RANBP2: variants seen among roughly 807,000 people sequenced by gnomAD.
RANBP2 encodes the protein RAN binding protein 2.
A neutral mutation model predicts 303.6 loss-of-function variants in RANBP2; 57 were observed. The observed-to-expected ratio is 0.19, with a 90% CI of 0.15 to 0.23. The LOEUF is 0.23. Ranked by LOEUF, RANBP2 falls within the 10% of genes least tolerant of loss-of-function variation. The pLI is 1.00. For synonymous variants in RANBP2, 1,167 were observed against 1,301.5 expected, an observed-to-expected ratio of 0.90 and a Z score of 2.23; for missense variants, 3,138 against 3,780.8, an observed-to-expected ratio of 0.83 and a Z score of 4.46.
At chr2:108,851,298 G>A in the RANBP2 span, among the ~76,000 whole-genome samples, 4 of 151,934 alleles carry the variant, frequency 2.6e-5, no homozygotes, top group African/African-American at 4.8e-5. Flanking sequence ...TTTGTTTTTT[G>A]TTGTTTGTTT....
rs1678527287 is a variant in RANBP2 at position 108,785,181 on chromosome 2, C to T, written c.*1280C>T. On this transcript the variant is annotated 3_prime_UTR_variant, in exon 29 of 29. Coordinates refer to ENST00000283195, the MANE Select transcript of RANBP2 (RefSeq NM_006267.5). ...GATTTGGAAATTGGGTATCCTAAAG[C>T]AAGTAACTGTTCAACCACCAGTCAA... 1 of 152,088 alleles carries T rather than the reference C, an allele frequency of 6.6e-6. No individual in the cohort carries two copies. Among genetic ancestry groups the T allele is most frequent in the Admixed American group, 6.5e-5 (1 of 15,274 alleles). 9.4% of individuals were successfully genotyped at this position (152,088 alleles called of 1,614,324 possible).
At chr2:109,046,026 C>T in the RANBP2 span, among the ~76,000 whole-genome samples, 2 of 152,022 alleles carry the variant, frequency 1.3e-5, no homozygotes, top group African/African-American at 2.4e-5. Context: ...AATCCAAGGC[C>T]GGGCATGGTG....
At chr2:109,193,855 G>C in the RANBP2 span, among the ~76,000 whole-genome samples, 1 of 152,192 alleles carries the variant, frequency 6.6e-6, no homozygotes, top group African/African-American at 2.4e-5. Context: ...TCTAGCCCCG[G>C]GGATGGGTTT....
At chr2:109,501,497 C>G in the RANBP2 span, 34 of 775,762 alleles carry the variant, frequency 4.4e-5, no homozygotes, top group Non-Finnish European at 6.5e-5. Flanking sequence ...TGTGCTGTTT[C>G]CCCAGGTACC....
chr2:109,302,495 G>A, the RANBP2 span, among the ~76,000 whole-genome samples: 2 of 152,252 alleles, frequency 1.3e-5, no homozygotes, highest in African/African-American at 4.8e-5. Flanking sequence ...CCATAGGGGA[G>A]GGCTCTGCCT....
the RANBP2 span, among the ~76,000 whole-genome samples, chr2:109,095,986 G>T: frequency 6.6e-6 from 1 of 152,124 alleles, no homozygotes; most frequent in South Asian, 2.1e-4. Flanking sequence ...CCCTCATTGG[G>T]TCTTGTTGTT....
In RANBP2 at chr2:108,782,381, G is replaced by T; in HGVS notation, c.9014G>T (p.Trp3005Leu). The change falls in exon 27 of 29, where the codon TGG becomes TTG. Residue 3005 changes from tryptophan (W) to leucine (L), a missense_variant. Physicochemically the swap from Trp to Leu is moderately conservative, Grantham distance 61 (BLOSUM62 -2). Transcript: ENST00000283195. The part of the protein sequence containing the change: ...PLNVSNNALV[W>L]TASDYADGEA... ...AATGTTTCAAATAATGCTTTAGTTTGGACTGCCTCAGATTATGCTGGTGAG... is the reference window on the plus strand; with the variant it reads ...AATGTTTCAAATAATGCTTTAGTTTTGACTGCCTCAGATTATGCTGGTGAG... The T allele has an allele frequency of 6.2e-7, 1 of 1,613,966 alleles. No homozygotes were observed. Among genetic ancestry groups the T allele is most frequent in the Non-Finnish European group, 8.5e-7 (1 of 1,180,012 alleles).
At chr2:108,780,747 T>A (rs1211169839) in intron 25 of RANBP2, among the ~76,000 whole-genome samples, 2 of 151,546 alleles carry the variant, frequency 1.3e-5, no homozygotes, top group Non-Finnish European at 1.5e-5. Flanking sequence ...TTCACTCTTG[T>A]TGCCCAGGCT....
At chr2:109,456,521 G>T in the RANBP2 span, among the ~76,000 whole-genome samples, 6 of 152,254 alleles carry the variant, frequency 3.9e-5, no homozygotes, top group Non-Finnish European at 8.8e-5. Flanking sequence ...CAGGCCCTCA[G>T]TGGGGCAGGG....
At chr2:109,300,378 C>A in the RANBP2 span, among the ~76,000 whole-genome samples, 1 of 152,090 alleles carries the variant, frequency 6.6e-6, no homozygotes, top group Non-Finnish European at 1.5e-5. Flanking sequence ...TGGGGTTTCA[C>A]CACGTTGGTC....
chr2:109,337,737 T>C, the RANBP2 span, among the ~76,000 whole-genome samples: 17 of 149,602 alleles, frequency 1.1e-4, no homozygotes, highest in African/African-American at 4.2e-4. Context: ...AAGGTCCCCC[T>C]TTTTTTTTGA....
chr2:109,300,743 G>C, the RANBP2 span, among the ~76,000 whole-genome samples: 1 of 152,204 alleles, frequency 6.6e-6, no homozygotes, highest in Non-Finnish European at 1.5e-5. Context: ...GAGCCCACCA[G>C]CTGGAGCAGA....
At chr2:108,831,340 A>G in the RANBP2 span, among the ~76,000 whole-genome samples, 1 of 152,232 alleles carries the variant, frequency 6.6e-6, no homozygotes, top group East Asian at 1.9e-4. Flanking sequence ...CTGCCACCCT[A>G]TGAATGAGGA....
chr2:108,860,935 CTTTTTTT>C, the RANBP2 span, among the ~76,000 whole-genome samples: 35 of 37,916 alleles, frequency 9.2e-4, 1 homozygote, highest in African/African-American at 1.1e-3. Context: ...TGGTCCAGGA[CTTTTTTT>C]TTTTTTTTTT....
chr2:109,701,261 C>T, the RANBP2 span, among the ~76,000 whole-genome samples: 16 of 152,330 alleles, frequency 1.1e-4, no homozygotes, highest in African/African-American at 2.6e-4. Flanking sequence ...ATTTTCCCTT[C>T]GAACCTTGTT....
At chr2:108,922,614 G>A in the RANBP2 span, among the ~76,000 whole-genome samples, 7 of 152,204 alleles carry the variant, frequency 4.6e-5, no homozygotes, top group East Asian at 3.9e-4. Flanking sequence ...GGGTAGTGGC[G>A]CCTTATGGAG....
At chr2:109,207,018 G>C in the RANBP2 span, among the ~76,000 whole-genome samples, 3 of 152,140 alleles carry the variant, frequency 2.0e-5, no homozygotes, top group African/African-American at 7.2e-5. Context: ...CAGGAGGTGA[G>C]AACCACTCAG....
the RANBP2 span, among the ~76,000 whole-genome samples, chr2:109,170,264 C>T: frequency 3.8e-3 from 199 of 52,470 alleles, 2 homozygotes; most frequent in African/African-American, 8.1e-3. Context: ...CTTCTCTTCT[C>T]TTCTCTTCTC....
chr2:109,658,435 A>T, the RANBP2 span, among the ~76,000 whole-genome samples: 15 of 150,502 alleles, frequency 1.0e-4, no homozygotes, highest in Admixed American at 3.3e-4. Flanking sequence ...GATGAGCAAG[A>T]CTCCATCTCA....
Sources: allele counts gnomAD v4.1 joint callset (sites outside exome capture counted in the v4.1 genomes callset), GRCh38; gene constraint gnomAD v4.1.1; transcripts MANE v1.5; gene names NCBI Gene and HGNC (gene_info 2026-07-23, HGNC 2026-07-21).